ZBTB20: variants seen among roughly 807,000 people sequenced by gnomAD.
ZBTB20 encodes the protein zinc finger and BTB domain containing 20, also known as zinc finger and BTB domain-containing protein 20.
A neutral mutation model predicts 56.9 loss-of-function variants in ZBTB20; 9 were observed. The ratio of observed to expected loss-of-function variants is 0.16; its 90% CI spans 0.10 to 0.28. The LOEUF is 0.28. Among genes scored for constraint, ZBTB20 ranks in the 10% least tolerant of loss-of-function variants. ZBTB20 has a pLI of 1.00. For missense variants in ZBTB20, 655 were observed against 1,003.0 expected (o/e 0.65, Z 4.69); for synonymous variants, 417 against 420.7 (o/e 0.99, Z 0.11).
At chr3:114,712,244 T>C (rs1352724614) in intron 5 of ZBTB20, among the ~76,000 whole-genome samples, 3 of 152,182 alleles carry the variant, frequency 2.0e-5, no homozygotes, top group Non-Finnish European at 4.4e-5. Flanking sequence ...GAAACTGCTA[T>C]TTTCCACAGT....
chr3:114,970,621 G>C (rs886363999), intron 3 of ZBTB20, among the ~76,000 whole-genome samples: 1 of 152,204 alleles, frequency 6.6e-6, no homozygotes, highest in South Asian at 2.1e-4. Flanking sequence ...CTACTGGTAC[G>C]TAAGTTATGC....
In ZBTB20 at chr3:114,774,073, C is replaced by G. The variant is rs143756894; in HGVS notation, c.-343+27028G>C. ...TAACCTTTGAAAATTTACTCAACTT[C>G]AGAACCTAAAACTTTTTGAGGTATA... On this transcript the variant is annotated intron_variant, in intron 5 of 11. Coordinates refer to ENST00000675478, the MANE Select transcript of ZBTB20 (RefSeq NM_001348800.3). Among the ~76,000 whole-genome samples the G allele has an allele frequency of 6.5e-4, 99 of 152,270 alleles. No homozygotes were observed. The East Asian group carries it at 0.018, about 27-fold the overall frequency.
chr3:114,636,175 C>T (rs769133739), intron 6 of ZBTB20, among the ~76,000 whole-genome samples: 16 of 152,052 alleles, frequency 1.1e-4, no homozygotes, highest in Admixed American at 5.2e-4. Flanking sequence ...CAACCAAGAA[C>T]GCTATACTCA....
At chr3:115,051,833 AG>A (rs2081561737) in intron 2 of ZBTB20, among the ~76,000 whole-genome samples, 1 of 152,212 alleles carries the variant, frequency 6.6e-6, no homozygotes, top group Non-Finnish European at 1.5e-5. Context: ...CAGGCTGTAC[AG>A]GAAGCATGCC....
chr3:115,060,303 T>C lies in ZBTB20; in HGVS notation c.-507+10916A>G, dbSNP rs183933299. Among the ~76,000 whole-genome samples, 672 of 152,280 alleles carry C rather than the reference T, an allele frequency of 4.4e-3. 4 individuals are homozygous for C. Among genetic ancestry groups the C allele is most frequent in the African/African-American group, 0.015 (642 of 41,566 alleles). On this transcript the variant is annotated intron_variant, in intron 2 of 11. Transcript: ENST00000675478. ...AATAATAATATAGTCTACCTCAAAA[T>C]GATTATGAAGAATAAAAGAAACAAT... is the stretch of plus-strand genomic sequence containing the variant.
intron 5 of ZBTB20, among the ~76,000 whole-genome samples, chr3:114,765,088 G>C (rs1182297678): frequency 1.3e-5 from 2 of 152,122 alleles, no homozygotes; most frequent in African/African-American, 4.8e-5. Context: ...GGAGGTGAGG[G>C]AGAAATAAAA....
At chr3:114,864,915 C>T (rs1229471158) in intron 4 of ZBTB20, among the ~76,000 whole-genome samples, 4 of 152,192 alleles carry the variant, frequency 2.6e-5, no homozygotes, top group Admixed American at 6.5e-5. Context: ...TTCCCCTTTA[C>T]GGCTGCCCTT....
At chr3:115,039,661 C>T (rs1035025274) in intron 2 of ZBTB20, among the ~76,000 whole-genome samples, 1 of 152,044 alleles carries the variant, frequency 6.6e-6, no homozygotes, top group Non-Finnish European at 1.5e-5. Context: ...AGTTATCAAC[C>T]TACAAGTGTC....
At chr3:115,085,374 C>T (rs567631289) in intron 1 of ZBTB20, among the ~76,000 whole-genome samples, 1 of 152,040 alleles carries the variant, frequency 6.6e-6, no homozygotes, top group South Asian at 2.1e-4. Flanking sequence ...CTCACATGCA[C>T]ACACTACTCC....
chr3:114,395,009 A>AACACCTTC (rs1474288059), intron 7 of ZBTB20, among the ~76,000 whole-genome samples: 1 of 152,184 alleles, frequency 6.6e-6, no homozygotes, highest in African/African-American at 2.4e-5. Flanking sequence ...TAATTCAAAT[A>AACACCTTC]ACACCTTCCC....
intron 4 of ZBTB20, among the ~76,000 whole-genome samples, chr3:114,803,739 A>G (rs1028635633): frequency 6.6e-6 from 1 of 150,896 alleles, no homozygotes; most frequent in Non-Finnish European, 1.5e-5. Flanking sequence ...GTCAGGACAA[A>G]TACCTTATTT....
chr3:114,517,090 C>T (rs962837886), intron 6 of ZBTB20, among the ~76,000 whole-genome samples: 1 of 152,180 alleles, frequency 6.6e-6, no homozygotes, highest in African/African-American at 2.4e-5. Flanking sequence ...GAATGAATGA[C>T]TAAGAACTTC....
At chr3:114,657,446 G>A (rs77352581) in intron 6 of ZBTB20, among the ~76,000 whole-genome samples, 1 of 152,104 alleles carries the variant, frequency 6.6e-6, no homozygotes, top group Non-Finnish European at 1.5e-5. Context: ...TAGCTTTCTA[G>A]TTGTTGCTTT....
chr3:114,451,422 T>C (rs1035657834), intron 7 of ZBTB20, among the ~76,000 whole-genome samples: 2 of 152,076 alleles, frequency 1.3e-5, no homozygotes, highest in African/African-American at 2.4e-5. Flanking sequence ...TCCAGCCTCA[T>C]GTGTTAATGG....
chr3:114,401,973 T>C (rs1250273026), intron 7 of ZBTB20, among the ~76,000 whole-genome samples: 2 of 152,190 alleles, frequency 1.3e-5, no homozygotes, highest in African/African-American at 2.4e-5. Context: ...GCTGTATTTT[T>C]TGAGTGTGCA....
At chr3:114,556,311 A>G (rs1005513494) in intron 6 of ZBTB20, among the ~76,000 whole-genome samples, 3 of 151,854 alleles carry the variant, frequency 2.0e-5, no homozygotes, top group Non-Finnish European at 2.9e-5. Flanking sequence ...TCTTATCTAC[A>G]TTTTCTATGA....
At chr3:114,347,013 TC>T (rs1161393018) in intron 11 of ZBTB20, among the ~76,000 whole-genome samples, 4 of 150,636 alleles carry the variant, frequency 2.7e-5, no homozygotes, top group South Asian at 4.2e-4. Context: ...TGAATGTGGA[TC>T]ATTAACATAG....
intron 1 of ZBTB20, among the ~76,000 whole-genome samples, chr3:115,074,277 T>C (rs1471904933): frequency 6.6e-6 from 1 of 152,136 alleles, no homozygotes; most frequent in Non-Finnish European, 1.5e-5. Context: ...CAATTAACAG[T>C]AATTAAATAA....
intron 10 of ZBTB20, among the ~76,000 whole-genome samples, chr3:114,368,604 T>G (rs1293017817): frequency 6.6e-6 from 1 of 152,198 alleles, no homozygotes; most frequent in Non-Finnish European, 1.5e-5. Flanking sequence ...TAACAAAATC[T>G]TTAAACCTGT....
Sources: gnomAD v4.1 joint callset for allele counts (sites outside exome capture counted in the v4.1 genomes callset) on GRCh38, gnomAD v4.1.1 for gene constraint, MANE v1.5 for transcripts, NCBI Gene and HGNC (gene_info 2026-07-23, HGNC 2026-07-21) for gene names.